Variants in PHAX observed in about 807,000 individuals in gnomAD.
The protein encoded by PHAX is phosphorylated adaptor for RNA export.
In PHAX, 31 loss-of-function variants were observed where a neutral mutation model predicts 41.6. That is an observed-to-expected ratio of 0.75 (90% CI 0.56 to 1.01). PHAX has a LOEUF of 1.01. Among genes scored for constraint, PHAX ranks in the 50% least tolerant of loss-of-function variants. The pLI is 0.00. For synonymous variants in PHAX, 175 were observed against 164.9 expected (o/e 1.06, Z -0.47); for missense variants, 453 against 472.9 (o/e 0.96, Z 0.39).
chr5:126,621,682 A>G lies in PHAX; in HGVS notation c.916-2893A>G, dbSNP rs370422666. Among the ~76,000 whole-genome samples the G allele has an allele frequency of 1.6e-4, 24 of 152,338 alleles. 1 individual carries two copies. Among genetic ancestry groups the G allele is most frequent in the Admixed American group, 7.9e-4 (12 of 15,284 alleles). ...ACAATTAAGTTTTGTTTTGAAAAATACAAAGTTTTCTGAAGGAAAAAAGCA... is the reference window on the plus strand; with the variant it reads ...ACAATTAAGTTTTGTTTTGAAAAATGCAAAGTTTTCTGAAGGAAAAAAGCA... On this transcript the variant is annotated intron_variant, in intron 4 of 4. Transcript: ENST00000297540.
chr5:126,622,315 G>A (rs1008632863), intron 4 of PHAX, among the ~76,000 whole-genome samples: 2 of 151,842 alleles, frequency 1.3e-5, no homozygotes, highest in African/African-American at 2.4e-5. Context: ...TTGTATTTTA[G>A]TAGAGATGGG....
chr5:126,604,640 C>T (rs567077056), intron 2 of PHAX, among the ~76,000 whole-genome samples: 1 of 152,054 alleles, frequency 6.6e-6, no homozygotes, highest in African/African-American at 2.4e-5. Context: ...GCAATCACAC[C>T]TCACTGGAAC....
chr5:126,603,074 CAAA>C (rs200469175), intron 1 of PHAX, among the ~76,000 whole-genome samples: 2 of 121,124 alleles, frequency 1.7e-5, no homozygotes, highest in African/African-American at 2.9e-5. Context: ...CCAAAAAATG[CAAA>C]AAAAAAAAAA....
chr5:126,601,196 G>A, intron 1 of PHAX, 138 bp downstream of exon 1: 2 of 625,570 alleles, frequency 3.2e-6, no homozygotes, highest in South Asian at 1.9e-5. Context: ...TGTCGGGTCA[G>A]TGGCCGCAGA....
chr5:126,616,341 C>T (rs1752183644), intron 3 of PHAX, among the ~76,000 whole-genome samples: 1 of 152,118 alleles, frequency 6.6e-6, no homozygotes, highest in African/African-American at 2.4e-5. Context: ...GGTGATCCAC[C>T]CGCCTCGGCG....
chr5:126,619,576 TAAAA>T (rs11301205), intron 4 of PHAX, among the ~76,000 whole-genome samples: 1 of 141,104 alleles, frequency 7.1e-6, no homozygotes, highest in African/African-American at 2.6e-5. Context: ...ACTCTGTCTT[TAAAA>T]AAAAAAAAAA....
intron 1 of PHAX, 123 bp downstream of exon 1, chr5:126,601,181 C>T: frequency 2.9e-6 from 2 of 680,786 alleles, no homozygotes; most frequent in Admixed American, 3.2e-5. Flanking sequence ...GCGAGGAGCC[C>T]AGGCTGTCGG....
At chr5:126,605,492 G>A (rs1367496293) in intron 2 of PHAX, among the ~76,000 whole-genome samples, 1 of 151,988 alleles carries the variant, frequency 6.6e-6, no homozygotes, top group African/African-American at 2.4e-5. Flanking sequence ...CATGAGAATT[G>A]CTTGAACGTG....
intron 3 of PHAX, among the ~76,000 whole-genome samples, chr5:126,609,075 T>G (rs1310182251): frequency 2.0e-5 from 3 of 150,794 alleles, no homozygotes; most frequent in Non-Finnish European, 4.4e-5. Flanking sequence ...CTTACATGAT[T>G]TGTTAAAGGT....
chr5:126,620,583 C>G (rs1752254306), intron 4 of PHAX, among the ~76,000 whole-genome samples: 1 of 152,128 alleles, frequency 6.6e-6, no homozygotes, highest in South Asian at 2.1e-4. Flanking sequence ...TGTATTATGT[C>G]TTTGTAATTC....
At chr5:126,606,525 A>C (rs935519496) in intron 2 of PHAX, among the ~76,000 whole-genome samples, 2 of 152,162 alleles carry the variant, frequency 1.3e-5, no homozygotes, top group Non-Finnish European at 2.9e-5. Context: ...GCAGGAATCA[A>C]TACATTTTTA....
Position 126,603,651 on chromosome 5 carries a change from G to A in PHAX, c.178G>A (p.Val60Ile). The A allele has an allele frequency of 6.2e-7, 1 of 1,614,172 alleles. No individual in the cohort carries two copies. The highest frequency in any genetic ancestry group is 8.5e-7 in the Non-Finnish European group (1 of 1,180,010). Residue 60 changes from valine (V) to isoleucine (I), a missense_variant, in exon 2 of 5, where the codon GTT (valine) becomes ATT (isoleucine). Physicochemically the swap from Val to Ile is conservative, Grantham distance 29 (BLOSUM62 3). Coordinates refer to ENST00000297540, the MANE Select transcript of PHAX (RefSeq NM_032177.4). ...ACAPVSHYRAVESVDSSEESF... is the reference protein window; with the variant it reads ...ACAPVSHYRAIESVDSSEESF... ...TGCACCAGTATCACATTATCGAGCT[G>A]TTGAAAGTGTGGATTCAAGTGAAGA...
Position 126,600,998 on chromosome 5 carries a change from G to C in PHAX, c.36G>C (p.Gln12His), listed in dbSNP as rs776482947. 20 of 1,605,754 alleles carry C rather than the reference G, an allele frequency of 1.2e-5. No individual in the cohort carries two copies. The highest frequency in any genetic ancestry group is 1.7e-5 in the Non-Finnish European group (20 of 1,176,190). Residue 12 changes from glutamine to histidine, a missense_variant, in exon 1 of 5, where the codon CAG becomes CAC. Coordinates refer to ENST00000297540, the MANE Select transcript of PHAX (RefSeq NM_032177.4). ...AGGTCGGCGATATGGAAGATGGGCA[G>C]CTTTCCGACTCGGATTCCGACATGA... is the stretch of plus-strand genomic sequence containing the variant. ...ALEVGDMEDG[Q>H]LSDSDSDMTV...
intron 3 of PHAX, among the ~76,000 whole-genome samples, chr5:126,611,526 C>A (rs1752100830): frequency 6.6e-6 from 1 of 152,088 alleles, no homozygotes; most frequent in South Asian, 2.1e-4. Context: ...CCAGATGCAC[C>A]TGTAATCCCA....
intron 3 of PHAX, among the ~76,000 whole-genome samples, chr5:126,609,487 T>C (rs1033897100): frequency 6.6e-6 from 1 of 152,090 alleles, no homozygotes; most frequent in African/African-American, 2.4e-5. Context: ...TTGGGTACCC[T>C]TTTTTACTTC....
chr5:126,604,080 GTCAAAGACAGGCTAGGGAACAGA>G lies in PHAX; in HGVS notation c.608_630del (p.Val203AlafsTer6). 1 of 1,613,756 alleles carries G rather than the reference GTCAAAGACAGGCTAGGGAACAGA, an allele frequency of 6.2e-7. No homozygotes were observed. The highest frequency in any genetic ancestry group is 8.5e-7 in the Non-Finnish European group (1 of 1,179,964). On this transcript the variant is annotated frameshift_variant, in exon 2 of 5. Coordinates refer to ENST00000297540, the MANE Select transcript of PHAX (RefSeq NM_032177.4). LOFTEE classifies it high-confidence loss of function. ...AGGTCATCTCAAAAGGAAACGACCT[GTCAAAGACAGGCTAGGGAACAGA>G]CCAGAAATGAACTATAAAGGTCGAT...
rs751290666 is a variant in PHAX, at chr5:126,624,622, T to C, written c.963T>C (p.Ala321=). The change falls in exon 5 of 5, where the codon GCT becomes GCC. Residue 321 remains alanine (A), a synonymous_variant. Coordinates refer to ENST00000297540, the MANE Select transcript of PHAX (RefSeq NM_032177.4). ...AAAAGGAATATGAAAATAAAAAAGC[T>C]GCTAGGAAGAGGAGAACACAAGTGT... ...ENQKEYENKK[A]ARKRRTQVLG... is the part of the protein sequence containing the mutation. The C allele has an allele frequency of 9.9e-6, 16 of 1,608,404 alleles. No homozygotes were observed. The highest frequency in any genetic ancestry group is 9.0e-5 in the South Asian group (8 of 89,354).
At chr5:126,616,945 AGTCATTTGTTAG>A (rs1476979203) in intron 3 of PHAX, among the ~76,000 whole-genome samples, 1 of 151,900 alleles carries the variant, frequency 6.6e-6, no homozygotes, top group Non-Finnish European at 1.5e-5. Context: ...CAGAAAATCC[AGTCATTTGTTAG>A]GTCATTTGAG....
chr5:126,603,515 G>C, intron 1 of PHAX, 55 bp from the exon 2 acceptor site: 1 of 1,530,130 alleles, frequency 6.5e-7, no homozygotes, highest in Non-Finnish European at 8.8e-7. Flanking sequence ...TTAAAAATTA[G>C]GTAGGTGGAG....
Sources: allele counts gnomAD v4.1 joint callset (sites outside exome capture counted in the v4.1 genomes callset), GRCh38; gene constraint gnomAD v4.1.1; transcripts MANE v1.5; gene names NCBI Gene and HGNC (gene_info 2026-07-23, HGNC 2026-07-21).